Variants in HP1BP3 observed in about 807,000 individuals in gnomAD.
The protein encoded by HP1BP3 is heterochromatin protein 1-binding protein 3.
A neutral mutation model predicts 62.5 loss-of-function variants in HP1BP3; 12 were observed. That is an observed-to-expected ratio of 0.19 (90% CI 0.12 to 0.31). The LOEUF (loss-of-function observed/expected upper bound fraction) is 0.31, where lower values mean the gene tolerates loss of function less well. Ranked by LOEUF, HP1BP3 falls within the 10% of genes least tolerant of loss-of-function variation. HP1BP3 has a pLI of 1.00. For missense variants in HP1BP3, 502 were observed against 651.8 expected (o/e 0.77, Z 2.50); for synonymous variants, 260 against 237.8 (o/e 1.09, Z -0.86).
At chr1:20,773,207 C>T (rs1339866686) in intron 5 of HP1BP3, among the ~76,000 whole-genome samples, 1 of 152,052 alleles carries the variant, frequency 6.6e-6, no homozygotes, top group Non-Finnish European at 1.5e-5. Flanking sequence ...CGATAAACTG[C>T]ATTTAAAAAT....
intron 8 of HP1BP3, among the ~76,000 whole-genome samples, chr1:20,760,109 C>G (rs10916858): frequency 0.41 from 62,793 of 151,702 alleles, 13,289 homozygotes; most frequent in African/African-American, 0.44. Context: ...GGAAGGTCTC[C>G]AACTCTTGAC....
At chr1:20,785,453 T>C (rs182088859) in intron 1 of HP1BP3, among the ~76,000 whole-genome samples, 6 of 152,348 alleles carry the variant, frequency 3.9e-5, no homozygotes, top group African/African-American at 1.4e-4. Flanking sequence ...ACACCTCACA[T>C]TGTTCCCAAT....
At chr1:20,749,671 T>C (rs1310074059) in intron 10 of HP1BP3, 52 bp downstream of exon 10, 28 of 1,546,866 alleles carry the variant, frequency 1.8e-5, no homozygotes, top group Non-Finnish European at 2.3e-5. Flanking sequence ...CCACGGTTTT[T>C]TCAAAAGAAA....
rs1351659437 is a variant in HP1BP3, at chr1:20,742,160, A to G, written c.*2637T>C. ...TGATTATTCAGTAAGTCTCTTTAAA[A>G]GCAGTATCATAAAGCAAAGAAACCA... On this transcript the variant is annotated 3_prime_UTR_variant, in exon 13 of 13. Coordinates refer to ENST00000438032, the MANE Select transcript of HP1BP3 (RefSeq NM_001372052.1). 1.3e-5 allele frequency among the ~76,000 whole-genome samples: 2 copies of G among 152,228 alleles called. No individual in the cohort carries two copies. The highest frequency in any genetic ancestry group is 4.8e-5 in the African/African-American group (2 of 41,460).
chr1:20,767,786 AAAAAAC>A, intron 6 of HP1BP3, 122 bp from the exon 7 acceptor site: 1 of 630,646 alleles, frequency 1.6e-6, no homozygotes, highest in Non-Finnish European at 2.7e-6. Context: ...GAGAAAAAAA[AAAAAAC>A]AGTCAATGCA....
chr1:20,780,968 G>C lies in HP1BP3; in HGVS notation c.-100-428C>G, dbSNP rs2057517788. Among the ~76,000 whole-genome samples, 3 of 151,584 alleles carry C rather than the reference G, an allele frequency of 2.0e-5. No individual in the cohort carries two copies. In the South Asian group the frequency reaches 6.3e-4, roughly 32 times the overall value. On this transcript the variant is annotated intron_variant, in intron 1 of 12. Coordinates refer to ENST00000438032, the MANE Select transcript of HP1BP3 (RefSeq NM_001372052.1). Reference sequence around the variant, plus strand: ...AATCTTAAACTCTATCTCTATTAAAGTACTTTTTTTTTCCTTCTATTAAGG... The same window carrying C: ...AATCTTAAACTCTATCTCTATTAAACTACTTTTTTTTTCCTTCTATTAAGG...
intron 11 of HP1BP3, among the ~76,000 whole-genome samples, chr1:20,746,227 T>TGTGTGTGTGTGTGTGTGTG (rs1557633244): frequency 8.2e-5 from 12 of 146,038 alleles, no homozygotes; most frequent in African/African-American, 2.8e-4. Context: ...TGTGTGTGTG[T>TGTGTGTGTGTGTGTGTGTG]TTCTTGCCTT....
At chr1:20,745,403 C>G in intron 12 of HP1BP3, 140 bp downstream of exon 12, 1 of 1,080,146 alleles carries the variant, frequency 9.3e-7, no homozygotes, top group Non-Finnish European at 1.3e-6. Context: ...AGGAGAAGAT[C>G]AATCCAAATT....
intron 9 of HP1BP3, among the ~76,000 whole-genome samples, chr1:20,752,380 C>T (rs1172654238): frequency 2.6e-5 from 4 of 151,766 alleles, no homozygotes; most frequent in South Asian, 4.2e-4. Flanking sequence ...CTGCAACCTC[C>T]GCCTCCCGGA....
chr1:20,784,700 T>C (rs1453067274), intron 1 of HP1BP3, among the ~76,000 whole-genome samples: 5 of 152,062 alleles, frequency 3.3e-5, no homozygotes, highest in Non-Finnish European at 7.4e-5. Context: ...ATGGTCTCGA[T>C]CTCCTGACCT....
chr1:20,749,362 TTTTC>T (rs1162141866), intron 10 of HP1BP3, among the ~76,000 whole-genome samples: 144 of 130,698 alleles, frequency 1.1e-3, no homozygotes, highest in South Asian at 4.4e-3. Context: ...TTTTCTTTTC[TTTTC>T]TTTTTTTTTG....
At chr1:20,776,008 GCA>G in intron 4 of HP1BP3, 8 of 1,162,396 alleles carry the variant, frequency 6.9e-6, no homozygotes, top group Admixed American at 4.3e-5. Context: ...CAGCTCTCCT[GCA>G]AAAAAAAAAA....
intron 8 of HP1BP3, among the ~76,000 whole-genome samples, chr1:20,763,588 A>G (rs7548649): frequency 0.41 from 62,908 of 152,000 alleles, 13,323 homozygotes; most frequent in African/African-American, 0.44. Flanking sequence ...CTGTAGACAG[A>G]AATCTGGATT....
At chr1:20,786,172 T>C (rs1348122627) in intron 1 of HP1BP3, 1 of 152,212 alleles carries the variant, frequency 6.6e-6, no homozygotes, top group Non-Finnish European at 1.5e-5. Flanking sequence ...AACCCTCAGA[T>C]CTGGGGCTCT....
intron 8 of HP1BP3, among the ~76,000 whole-genome samples, chr1:20,764,935 G>A (rs1314488065): frequency 1.3e-5 from 2 of 150,834 alleles, no homozygotes; most frequent in Admixed American, 6.6e-5. Flanking sequence ...TTGGGAGGCC[G>A]AGGCAGGTGG....
chr1:20,765,621 T>C, intron 7 of HP1BP3, 90 bp from the exon 8 acceptor site: 1 of 1,021,028 alleles, frequency 9.8e-7, no homozygotes, highest in Middle Eastern at 2.3e-4. Flanking sequence ...GATTACCAAA[T>C]TTGTCAATTT....
At chr1:20,767,742 C>G (rs2056854758) in intron 6 of HP1BP3, 78 bp from the exon 7 acceptor site, 1 of 836,072 alleles carries the variant, frequency 1.2e-6, no homozygotes, top group South Asian at 1.6e-5. Context: ...CATGGTAATG[C>G]AAGAGCTAAT....
At chr1:20,746,907 G>A (rs906856343) in intron 11 of HP1BP3, among the ~76,000 whole-genome samples, 2 of 152,224 alleles carry the variant, frequency 1.3e-5, no homozygotes, top group Admixed American at 6.5e-5. Flanking sequence ...TCCCAGCTAC[G>A]TGGGATATTG....
At chr1:20,786,331 A>G (rs1239370102) in intron 1 of HP1BP3, 1 of 152,230 alleles carries the variant, frequency 6.6e-6, no homozygotes, top group African/African-American at 2.4e-5. Flanking sequence ...GGGGAGCGAG[A>G]CTCAAGGCCG....
Sources: allele counts gnomAD v4.1 joint callset (sites outside exome capture counted in the v4.1 genomes callset), GRCh38; gene constraint gnomAD v4.1.1; transcripts MANE v1.5; gene names NCBI Gene and HGNC (gene_info 2026-07-23, HGNC 2026-07-21).